Variants in GNA14 observed in about 807,000 individuals in gnomAD.
GNA14 encodes the protein guanine nucleotide-binding protein subunit alpha-14.
Under a neutral mutation model 42.0 loss-of-function variants are expected in GNA14, and 50 were observed. That is an observed-to-expected ratio of 1.19 (90% CI 0.95 to 1.51). The LOEUF (loss-of-function observed/expected upper bound fraction) is 1.51, where lower values mean the gene tolerates loss of function less well. Ranked by LOEUF, GNA14 falls within the 40% of genes most tolerant of loss-of-function variation. The pLI is 0.00. For synonymous variants in GNA14, 173 were observed against 163.1 expected (o/e 1.06, Z -0.46); for missense variants, 473 against 446.2 (o/e 1.06, Z -0.54).
intron 2 of GNA14, among the ~76,000 whole-genome samples, chr9:77,442,490 T>C (rs1207194029): frequency 2.0e-5 from 3 of 152,246 alleles, no homozygotes; most frequent in African/African-American, 7.2e-5. Flanking sequence ...CTCCTGGGGC[T>C]TCTGTCGACT....
At chr9:77,609,471 T>C (rs1000421246) in intron 1 of GNA14, among the ~76,000 whole-genome samples, 3 of 152,208 alleles carry the variant, frequency 2.0e-5, no homozygotes, top group African/African-American at 4.8e-5. Flanking sequence ...CTCAAAACTC[T>C]TCCATGCTCT....
At chr9:77,456,984 C>T (rs184675954) in intron 2 of GNA14, among the ~76,000 whole-genome samples, 14 of 152,310 alleles carry the variant, frequency 9.2e-5, no homozygotes, top group Admixed American at 9.1e-4. Context: ...AGGTTTCATG[C>T]CTGTGACTCA....
At chr9:77,622,634 C>T (rs979786992) in intron 1 of GNA14, among the ~76,000 whole-genome samples, 2 of 151,632 alleles carry the variant, frequency 1.3e-5, no homozygotes, top group African/African-American at 4.9e-5. Context: ...TGCCTGTAAT[C>T]CCAGCACTTT....
At chr9:77,560,739 T>C (rs1822868422) in intron 1 of GNA14, among the ~76,000 whole-genome samples, 1 of 152,174 alleles carries the variant, frequency 6.6e-6, no homozygotes, top group South Asian at 2.1e-4. Context: ...CCTTTCTATC[T>C]TGAGTAGCCA....
chr9:77,489,273 A>C (rs1207104312), intron 2 of GNA14, among the ~76,000 whole-genome samples: 2 of 152,218 alleles, frequency 1.3e-5, no homozygotes, highest in Non-Finnish European at 2.9e-5. Flanking sequence ...GTCACCTACA[A>C]GATACAAAAT....
At chr9:77,445,348 G>A (rs62571499) in intron 2 of GNA14, among the ~76,000 whole-genome samples, 12,729 of 151,714 alleles carry the variant, frequency 0.084, 673 homozygotes, top group Middle Eastern at 0.15. Context: ...AACAGCATCT[G>A]GTAGCCCAAC....
intron 2 of GNA14, among the ~76,000 whole-genome samples, chr9:77,455,848 A>G (rs1305955631): frequency 2.6e-5 from 4 of 152,212 alleles, no homozygotes; most frequent in African/African-American, 9.6e-5. Context: ...GTAACTGAGT[A>G]GAAGTTTATG....
At chr9:77,505,247 A>T (rs1380420766) in intron 2 of GNA14, among the ~76,000 whole-genome samples, 2 of 152,234 alleles carry the variant, frequency 1.3e-5, no homozygotes, top group Non-Finnish European at 2.9e-5. Flanking sequence ...GCTGAATAAG[A>T]AACTATTTTT....
rs1254756531 is a variant in GNA14 at position 77,517,148 on chromosome 9, A to C, written c.309+11921T>G. ...GAAATCAAGCAACCTGAAAAATATC[A>C]TGGGAATTCTTCCTCATCTTCCTGC... On this transcript the variant is annotated intron_variant, in intron 2 of 6. Transcript: ENST00000341700. Among the ~76,000 whole-genome samples the C allele has an allele frequency of 2.6e-5, 4 of 152,130 alleles. No individual in the cohort carries two copies. The East Asian group carries it at 7.7e-4, about 29-fold the overall frequency.
chr9:77,492,716 T>A (rs1474230788), intron 2 of GNA14, among the ~76,000 whole-genome samples: 3 of 151,942 alleles, frequency 2.0e-5, no homozygotes, highest in Non-Finnish European at 4.4e-5. Context: ...CCAAAAATAC[T>A]TGGGGCCAGG....
intron 2 of GNA14, among the ~76,000 whole-genome samples, chr9:77,506,310 A>G (rs998658864): frequency 1.3e-4 from 19 of 151,798 alleles, no homozygotes; most frequent in African/African-American, 4.6e-4. Context: ...AGAAATGAGA[A>G]ACTAATTTTA....
intron 2 of GNA14, among the ~76,000 whole-genome samples, chr9:77,525,738 C>T (rs538767018): frequency 5.2e-4 from 79 of 151,652 alleles, no homozygotes; most frequent in African/African-American, 1.8e-3. Flanking sequence ...CGGGGTTTCA[C>T]CGCGTTAGCC....
chr9:77,633,276 T>C (rs1824127352), intron 1 of GNA14, among the ~76,000 whole-genome samples: 1 of 152,168 alleles, frequency 6.6e-6, no homozygotes, highest in South Asian at 2.1e-4. Context: ...TTAAGATGCA[T>C]TCTCAAAATG....
chr9:77,535,340 C>G (rs1266603923), intron 1 of GNA14, among the ~76,000 whole-genome samples: 1 of 152,166 alleles, frequency 6.6e-6, no homozygotes, highest in East Asian at 1.9e-4. Context: ...GTCAGGAGAT[C>G]AAGACCATCC....
In GNA14 at chr9:77,529,121, A is replaced by G. The variant is rs1340124602; in HGVS notation, c.257T>C (p.Met86Thr). ...CCTTAGCGTGTCCATCGCTCTGATC[A>G]TGGCTTGCATGGCGGTGAATATGTT... Reference protein sequence around the residue: ...YQNIFTAMQAMIRAMDTLRIQ... With the variant: ...YQNIFTAMQATIRAMDTLRIQ... Residue 86 changes from methionine to threonine, a missense_variant, in exon 2 of 7, where the codon ATG (methionine) becomes ACG (threonine). Transcript: ENST00000341700. 1 of 1,614,188 alleles carries G rather than the reference A, an allele frequency of 6.2e-7. No homozygotes were observed. The highest frequency in any genetic ancestry group is 1.7e-5 in the Admixed American group (1 of 60,022).
chr9:77,631,519 T>TACGTGC (rs143425168), intron 1 of GNA14, among the ~76,000 whole-genome samples: 1 of 149,108 alleles, frequency 6.7e-6, no homozygotes, highest in African/African-American at 2.5e-5. Flanking sequence ...TCTATTCACA[T>TACGTGC]ATGTGCATAA....
chr9:77,562,429 G>A (rs10781447), intron 1 of GNA14, among the ~76,000 whole-genome samples: 85,988 of 151,880 alleles, frequency 0.57, 24,628 homozygotes, highest in Admixed American at 0.65. Flanking sequence ...AAAGGGACAT[G>A]AAGGAGAGCC....
chr9:77,540,755 CTGACA>C (rs1270951914), intron 1 of GNA14, among the ~76,000 whole-genome samples: 1 of 151,956 alleles, frequency 6.6e-6, no homozygotes, highest in Non-Finnish European at 1.5e-5. Flanking sequence ...TCTGTTTTAC[CTGACA>C]TAAGTATAGT....
chr9:77,496,217 T>C (rs1376675158), intron 2 of GNA14, among the ~76,000 whole-genome samples: 2 of 152,188 alleles, frequency 1.3e-5, no homozygotes, highest in Non-Finnish European at 2.9e-5. Flanking sequence ...TCTGAAACAA[T>C]TGTCTTTTAG....
Sources: gnomAD v4.1 joint callset for allele counts (sites outside exome capture counted in the v4.1 genomes callset) on GRCh38, gnomAD v4.1.1 for gene constraint, MANE v1.5 for transcripts, NCBI Gene and HGNC (gene_info 2026-07-23, HGNC 2026-07-21) for gene names.